FAM135B: variants seen among roughly 807,000 people sequenced by gnomAD.
The protein encoded by FAM135B is family with sequence similarity 135 member B, also known as protein FAM135B.
FAM135B carries 43 observed loss-of-function variants against 127.7 expected under a neutral mutation model. The ratio of observed to expected loss-of-function variants is 0.34; its 90% CI spans 0.26 to 0.43. The LOEUF (loss-of-function observed/expected upper bound fraction) is 0.43, where lower values mean the gene tolerates loss of function less well. Ranked by LOEUF, FAM135B falls within the 20% of genes least tolerant of loss-of-function variation. FAM135B has a pLI of 1.00. For missense variants in FAM135B, 1,558 were observed against 1,725.6 expected, an observed-to-expected ratio of 0.90 and a Z score of 1.72; for synonymous variants, 670 against 665.1, an observed-to-expected ratio of 1.01 and a Z score of -0.11.
intron 3 of FAM135B, among the ~76,000 whole-genome samples, chr8:138,290,656 A>T (rs563304799): frequency 1.3e-5 from 2 of 152,016 alleles, no homozygotes; most frequent in Non-Finnish European, 2.9e-5. Flanking sequence ...TCATTGTAGC[A>T]GTGTTGGGTT....
chr8:138,377,803 C>G (rs937310932), intron 1 of FAM135B, among the ~76,000 whole-genome samples: 2 of 152,180 alleles, frequency 1.3e-5, no homozygotes, highest in Non-Finnish European at 2.9e-5. Context: ...AGAAATTACT[C>G]TCGAAAGCAT....
intron 2 of FAM135B, among the ~76,000 whole-genome samples, chr8:138,333,974 G>C (rs1828369027): frequency 6.6e-6 from 1 of 152,200 alleles, no homozygotes; most frequent in Non-Finnish European, 1.5e-5. Context: ...CCAGGCTGGA[G>C]TGCAGTGGCA....
chr8:138,208,029 T>C (rs1303190222), intron 7 of FAM135B, among the ~76,000 whole-genome samples: 2 of 152,192 alleles, frequency 1.3e-5, no homozygotes, highest in Non-Finnish European at 2.9e-5. Flanking sequence ...GGTATTGTTT[T>C]TCAGTGCTGC....
intron 3 of FAM135B, among the ~76,000 whole-genome samples, chr8:138,286,344 G>T (rs1268294069): frequency 6.6e-6 from 1 of 152,210 alleles, no homozygotes; most frequent in Admixed American, 6.5e-5. Context: ...CATGGTGTCA[G>T]GTAGAAGGAG....
In FAM135B at chr8:138,266,617, G is replaced by A. The variant is rs569895586; in HGVS notation, c.158-775C>T. On this transcript the variant is annotated intron_variant, in intron 3 of 19. Transcript: ENST00000395297. ...TATATATATGTATATGTATATATAT[G>A]TATATATGTGTATATATATACGTAT... 1.8e-3 allele frequency among the ~76,000 whole-genome samples: 253 copies of A among 143,562 alleles called. 1 individual carries two copies. Among genetic ancestry groups the A allele is most frequent in the African/African-American group, 5.9e-3 (232 of 39,634 alleles). The allele number at this position is 143,562 out of a possible 152,430, so 94.2% of individuals were successfully genotyped here.
At chr8:138,423,221 C>G (rs578244422) in intron 1 of FAM135B, among the ~76,000 whole-genome samples, 1 of 152,138 alleles carries the variant, frequency 6.6e-6, no homozygotes, top group Non-Finnish European at 1.5e-5. Context: ...AGACAAGGGG[C>G]AACTTACCTA....
chr8:138,226,184 T>TCTGTGTGC (rs1819422828), intron 7 of FAM135B, among the ~76,000 whole-genome samples: 1 of 139,202 alleles, frequency 7.2e-6, no homozygotes, highest in African/African-American at 2.7e-5. Flanking sequence ...TGTGTGTGTG[T>TCTGTGTGC]GCGCGCATGT....
At chr8:138,287,071 T>C (rs1824743728) in intron 3 of FAM135B, among the ~76,000 whole-genome samples, 1 of 152,198 alleles carries the variant, frequency 6.6e-6, no homozygotes, top group Admixed American at 6.5e-5. Flanking sequence ...AAGTGTAAAA[T>C]GTCTGTATGA....
At chr8:138,207,546 A>C (rs1817794226) in intron 7 of FAM135B, among the ~76,000 whole-genome samples, 1 of 152,112 alleles carries the variant, frequency 6.6e-6, no homozygotes, top group African/African-American at 2.4e-5. Context: ...GTCTCTGTGA[A>C]GCTTGAGAGA....
At chr8:138,449,489 G>C (rs970162525) in intron 1 of FAM135B, among the ~76,000 whole-genome samples, 1 of 152,064 alleles carries the variant, frequency 6.6e-6, no homozygotes, top group East Asian at 1.9e-4. Context: ...TAGTGAAACA[G>C]GAGCCGTAAC....
At chr8:138,442,043 T>G (rs554378842) in intron 1 of FAM135B, among the ~76,000 whole-genome samples, 1 of 151,712 alleles carries the variant, frequency 6.6e-6, no homozygotes, top group African/African-American at 2.4e-5. Flanking sequence ...CTGTAAGTCC[T>G]TATGCAGCAG....
chr8:138,196,842 C>T (rs2131127422), intron 8 of FAM135B, among the ~76,000 whole-genome samples: 1 of 152,320 alleles, frequency 6.6e-6, no homozygotes, highest in South Asian at 2.1e-4. Flanking sequence ...CACAGGATCC[C>T]TGAGCTGTCA....
At chr8:138,145,608 ACAACTTTGTATAGAGCAGGTGCC>A (rs989395528) in intron 15 of FAM135B, among the ~76,000 whole-genome samples, 1 of 152,196 alleles carries the variant, frequency 6.6e-6, no homozygotes, top group African/African-American at 2.4e-5. Flanking sequence ...TGCATGGTGC[ACAACTTTGTATAGAGCAGGTGCC>A]CAAGTAAAGG....
intron 2 of FAM135B, among the ~76,000 whole-genome samples, chr8:138,328,399 G>T (rs1827949866): frequency 1.3e-5 from 2 of 152,108 alleles, no homozygotes; most frequent in East Asian, 3.9e-4. Flanking sequence ...ATCAGACCTT[G>T]GCGATGACCT....
chr8:138,391,254 C>T (rs983531993), intron 1 of FAM135B, among the ~76,000 whole-genome samples: 4 of 152,078 alleles, frequency 2.6e-5, no homozygotes, highest in African/African-American at 7.2e-5. Flanking sequence ...TGCTCACTTA[C>T]ACTGTCTTAT....
At chr8:138,485,236 T>C (rs1477539109) in intron 1 of FAM135B, among the ~76,000 whole-genome samples, 1 of 152,224 alleles carries the variant, frequency 6.6e-6, no homozygotes, top group East Asian at 1.9e-4. Context: ...GAACATAAGC[T>C]ACTGCTCAGT....
At chr8:138,182,251 C>G (rs890424853) in intron 9 of FAM135B, among the ~76,000 whole-genome samples, 1 of 152,244 alleles carries the variant, frequency 6.6e-6, no homozygotes, top group East Asian at 1.9e-4. Flanking sequence ...AAAGAAGCTT[C>G]TAATTAAGCC....
chr8:138,290,862 C>G (rs1356007516), intron 3 of FAM135B, among the ~76,000 whole-genome samples: 1 of 152,102 alleles, frequency 6.6e-6, no homozygotes, highest in Non-Finnish European at 1.5e-5. Flanking sequence ...TGTTTAAGAT[C>G]CTGCTATCCC....
chr8:138,244,376 G>C (rs1368467803), intron 6 of FAM135B, among the ~76,000 whole-genome samples: 1 of 152,050 alleles, frequency 6.6e-6, no homozygotes, highest in African/African-American at 2.4e-5. Context: ...AGCCTCTCAG[G>C]GTTCAACTCC....
Sources: gnomAD v4.1 joint callset for allele counts (sites outside exome capture counted in the v4.1 genomes callset) on GRCh38, gnomAD v4.1.1 for gene constraint, MANE v1.5 for transcripts, NCBI Gene and HGNC (gene_info 2026-07-23, HGNC 2026-07-21) for gene names.